Variants in PTPRT observed in about 807,000 individuals in gnomAD.
PTPRT encodes the protein protein tyrosine phosphatase receptor type T.
A neutral mutation model predicts 176.8 loss-of-function variants in PTPRT; 56 were observed. The observed-to-expected ratio is 0.32, with a 90% CI of 0.26 to 0.40. The LOEUF is 0.40. Ranked by LOEUF, PTPRT falls within the 10% of genes least tolerant of loss-of-function variation. The probability of loss-of-function intolerance (pLI) is 1.00; values close to 1 mark genes in which losing one functional copy is unlikely to be tolerated. For synonymous variants in PTPRT, 783 were observed against 739.0 expected (o/e 1.06, Z -0.96); for missense variants, 1,540 against 1,908.2 (o/e 0.81, Z 3.60).
chr20:43,144,299 A>G (rs186074155), intron 1 of PTPRT, among the ~76,000 whole-genome samples: 80 of 152,144 alleles, frequency 5.3e-4, no homozygotes, highest in African/African-American at 1.8e-3. Context: ...ATACCCAAAC[A>G]CTGCATTGGA....
chr20:43,012,673 C>T (rs1985187067), intron 1 of PTPRT, among the ~76,000 whole-genome samples: 1 of 152,178 alleles, frequency 6.6e-6, no homozygotes, highest in Admixed American at 6.5e-5. Context: ...ATTAAGGATG[C>T]TGCTGGTGTC....
chr20:42,098,542 T>C lies in PTPRT; in HGVS notation c.3725A>G (p.Gln1242Arg), dbSNP rs1239953098. 1 of 1,614,062 alleles carries C rather than the reference T, an allele frequency of 6.2e-7. No homozygotes were observed. Among genetic ancestry groups the C allele is most frequent in the African/African-American group, 1.3e-5 (1 of 74,940 alleles). The change falls in exon 27 of 31, where the codon CAG becomes CGG. Residue 1242 changes from glutamine (Q) to arginine (R), a missense_variant. Transcript: ENST00000373187. ...INAALMDSHK[Q>R]PAAFVVTQHP... ...CTGGGTGACCACGAAGGCGGCAGGC[T>C]GCTTGTGGCTCTGACAAAGGAATGA... is the stretch of plus-strand genomic sequence containing the variant.
Position 42,930,301 on chromosome 20 carries a change from T to C in PTPRT, c.89-44369A>G, listed in dbSNP as rs372187674. ...TCATCAGCTGAGGGGGCTGGATCCC[T>C]GCCACTGCAGGTCTTTGTTTCAGAA... is the stretch of plus-strand genomic sequence containing the variant. On this transcript the variant is annotated intron_variant, in intron 1 of 30. Transcript: ENST00000373187. 2.8e-4 allele frequency among the ~76,000 whole-genome samples: 42 copies of C among 152,280 alleles called. 2 individuals carry two copies. The South Asian group carries it at 8.7e-3, about 32-fold the overall frequency.
chr20:42,606,170 C>A (rs1225591838), intron 7 of PTPRT, among the ~76,000 whole-genome samples: 8 of 152,150 alleles, frequency 5.3e-5, no homozygotes, highest in Admixed American at 1.3e-4. Flanking sequence ...TTTTGTGACT[C>A]CACTTCACTC....
intron 15 of PTPRT, among the ~76,000 whole-genome samples, chr20:42,218,181 A>C (rs2146774835): frequency 6.6e-6 from 1 of 152,368 alleles, no homozygotes; most frequent in East Asian, 1.9e-4. Flanking sequence ...TGCAGCCATT[A>C]AAATGATGGA....
intron 4 of PTPRT, among the ~76,000 whole-genome samples, chr20:42,778,427 C>T (rs1272266901): frequency 6.6e-6 from 1 of 152,100 alleles, no homozygotes; most frequent in African/African-American, 2.4e-5. Context: ...ATGCTATTTT[C>T]CCTTGGGAAA....
At chr20:43,089,457 A>C (rs1293480008) in intron 1 of PTPRT, among the ~76,000 whole-genome samples, 1 of 152,250 alleles carries the variant, frequency 6.6e-6, no homozygotes. Context: ...TGCAAAGAAT[A>C]GTCTGTGAAG....
At chr20:42,321,806 G>A (rs373100476) in intron 11 of PTPRT, among the ~76,000 whole-genome samples, 12 of 152,118 alleles carry the variant, frequency 7.9e-5, no homozygotes, top group Non-Finnish European at 1.0e-4. Flanking sequence ...ATTTAAGGTC[G>A]AGCGCGGTGG....
chr20:42,963,485 T>A (rs1334051859), intron 1 of PTPRT, among the ~76,000 whole-genome samples: 1 of 151,678 alleles, frequency 6.6e-6, no homozygotes, highest in Non-Finnish European at 1.5e-5. Context: ...AAATGAGTAG[T>A]TACATTTTTA....
intron 1 of PTPRT, among the ~76,000 whole-genome samples, chr20:43,025,195 C>A (rs1343953546): frequency 1.3e-5 from 2 of 152,146 alleles, no homozygotes; most frequent in African/African-American, 4.8e-5. Flanking sequence ...AGATACCTTA[C>A]AAATGTTTAA....
chr20:43,186,118 T>G (rs1568833257), intron 1 of PTPRT, among the ~76,000 whole-genome samples: 1 of 152,220 alleles, frequency 6.6e-6, no homozygotes, highest in Non-Finnish European at 1.5e-5. Flanking sequence ...TTCCATTCAC[T>G]CTGCATATTG....
chr20:42,070,495 G>A (rs1370920775), downstream of PTPRT, among the ~76,000 whole-genome samples: 1 of 151,880 alleles, frequency 6.6e-6, no homozygotes, highest in Admixed American at 6.6e-5. Flanking sequence ...TTGATCCTTA[G>A]CATCACTGTG....
intron 15 of PTPRT, among the ~76,000 whole-genome samples, chr20:42,206,639 C>T (rs1397372411): frequency 6.6e-6 from 1 of 152,188 alleles, no homozygotes; most frequent in African/African-American, 2.4e-5. Context: ...CCTACGCCCA[C>T]GGAGTCTCGC....
At chr20:43,089,615 G>A (rs1190159609) in intron 1 of PTPRT, among the ~76,000 whole-genome samples, 2 of 152,178 alleles carry the variant, frequency 1.3e-5, no homozygotes, top group Non-Finnish European at 2.9e-5. Context: ...CAGAACCAGG[G>A]CAAATGGAGA....
At chr20:42,598,056 T>C (rs1325915011) in intron 7 of PTPRT, among the ~76,000 whole-genome samples, 2 of 152,114 alleles carry the variant, frequency 1.3e-5, no homozygotes, top group African/African-American at 4.8e-5. Context: ...ATATATATAC[T>C]ATAGTAGCAA....
chr20:42,988,846 C>T (rs1983741300), intron 1 of PTPRT, among the ~76,000 whole-genome samples: 1 of 152,134 alleles, frequency 6.6e-6, no homozygotes, highest in South Asian at 2.1e-4. Flanking sequence ...TGCCTTGTGA[C>T]CTGCAACTGC....
intron 12 of PTPRT, among the ~76,000 whole-genome samples, chr20:42,295,286 A>C (rs1029805916): frequency 3.9e-5 from 6 of 152,208 alleles, no homozygotes; most frequent in Admixed American, 2.6e-4. Flanking sequence ...ACAGCATGCA[A>C]AGCAAGAAAA....
intron 5 of PTPRT, among the ~76,000 whole-genome samples, chr20:42,767,018 C>T (rs1405981927): frequency 1.3e-5 from 2 of 152,190 alleles, no homozygotes; most frequent in African/African-American, 4.8e-5. Context: ...AGAGTGCCAG[C>T]CACTCCTCTA....
chr20:42,696,737 G>A (rs2075885654), intron 6 of PTPRT, among the ~76,000 whole-genome samples: 1 of 152,098 alleles, frequency 6.6e-6, no homozygotes, highest in Non-Finnish European at 1.5e-5. Flanking sequence ...TTACAGGTGT[G>A]AGCCACCCCG....
Sources: gnomAD v4.1 joint callset for allele counts (sites outside exome capture counted in the v4.1 genomes callset) on GRCh38, gnomAD v4.1.1 for gene constraint, MANE v1.5 for transcripts, NCBI Gene and HGNC (gene_info 2026-07-23, HGNC 2026-07-21) for gene names.